The following KIAA0825 variants were observed in gnomAD, a reference collection of about 807,000 sequenced individuals.
KIAA0825 encodes uncharacterized protein KIAA0825.
A neutral mutation model predicts 147.6 loss-of-function variants in KIAA0825; 119 were observed. The observed-to-expected ratio is 0.81, with a 90% CI of 0.69 to 0.94. The LOEUF (loss-of-function observed/expected upper bound fraction) is 0.94. Ranked by LOEUF, KIAA0825 falls within the 40% of genes least tolerant of loss-of-function variation. The probability of loss-of-function intolerance (pLI) is 0.00; values close to 1 mark genes in which losing one functional copy is unlikely to be tolerated. For synonymous variants in KIAA0825, 470 were observed against 518.1 expected (o/e 0.91, Z 1.26); for missense variants, 1,381 against 1,472.7 (o/e 0.94, Z 1.02).
At chr5:94,315,946 G>C (rs562771952) in intron 20 of KIAA0825, among the ~76,000 whole-genome samples, 6 of 151,814 alleles carry the variant, frequency 4.0e-5, no homozygotes, top group African/African-American at 9.6e-5. Context: ...TGGCAAGGGT[G>C]CTACTTCCTT....
At chr5:94,397,604 A>C (rs1429993492) in intron 16 of KIAA0825, among the ~76,000 whole-genome samples, 1 of 152,126 alleles carries the variant, frequency 6.6e-6, no homozygotes, top group African/African-American at 2.4e-5. Context: ...GGGTTTCTCA[A>C]CTTTGGGTTG....
intron 20 of KIAA0825, among the ~76,000 whole-genome samples, chr5:94,291,973 C>G (rs182030225): frequency 1.3e-5 from 2 of 152,292 alleles, no homozygotes; most frequent in African/African-American, 4.8e-5. Context: ...TATCCTGAAA[C>G]TGTGCTGAAG....
At position 94,350,424 on chromosome 5, in the gene KIAA0825, A is replaced by G. The variant is rs142784887; in HGVS notation, c.3710+33944T>C. Among the ~76,000 whole-genome samples the G allele has an allele frequency of 3.0e-4, 45 of 152,336 alleles. 1 individual carries two copies. In the East Asian group the frequency reaches 8.3e-3, roughly 28 times the overall value. ...GGGAAGAAGGAACCCTCCCTGATTC[A>G]TTCTATGAAGCCAGCATCACCCTAA... On this transcript the variant is annotated intron_variant, in intron 20 of 20. Transcript: ENST00000682413.
At chr5:94,335,862 G>A (rs1026591953) in intron 20 of KIAA0825, among the ~76,000 whole-genome samples, 2 of 152,018 alleles carry the variant, frequency 1.3e-5, no homozygotes, top group Non-Finnish European at 1.5e-5. Context: ...TTATCACATG[G>A]CTTTTTAATT....
At chr5:94,331,871 G>C (rs1357924546) in intron 20 of KIAA0825, among the ~76,000 whole-genome samples, 1 of 152,100 alleles carries the variant, frequency 6.6e-6, no homozygotes, top group Non-Finnish European at 1.5e-5. Flanking sequence ...ACATGGCTGG[G>C]CATGGTGGCT....
intron 20 of KIAA0825, among the ~76,000 whole-genome samples, chr5:94,302,551 A>G (rs1206280904): frequency 6.6e-6 from 1 of 152,150 alleles, no homozygotes; most frequent in Non-Finnish European, 1.5e-5. Context: ...CATTGACTAA[A>G]AGGATCTGAC....
At chr5:94,215,905 T>A (rs891659006) in intron 20 of KIAA0825, among the ~76,000 whole-genome samples, 1 of 152,102 alleles carries the variant, frequency 6.6e-6, no homozygotes, top group African/African-American at 2.4e-5. Context: ...ACTTCCCTGA[T>A]AAGCTCCGAA....
chr5:94,520,302 C>T lies in KIAA0825; in HGVS notation c.916G>A (p.Val306Met), dbSNP rs1767922636. The T allele has an allele frequency of 6.2e-7, 1 of 1,613,440 alleles. No individual in the cohort carries two copies. The highest frequency in any genetic ancestry group is 1.1e-5 in the South Asian group (1 of 91,040). Residue 306 changes from valine (V) to methionine (M), a missense_variant, in exon 5 of 21, where the codon GTG becomes ATG. By Grantham distance (21) the Val-to-Met change is conservative. Coordinates refer to ENST00000682413, the MANE Select transcript of KIAA0825 (RefSeq NM_001145678.3). ...ELQFRENAVR[V>M]VKTSKSSSKH... ...CTGGAGCTCTTGCTTGTTTTAACCACACGAACAGCATTTTCTCTGAACTGC... is the reference window on the plus strand; with the variant it reads ...CTGGAGCTCTTGCTTGTTTTAACCATACGAACAGCATTTTCTCTGAACTGC...
intron 20 of KIAA0825, among the ~76,000 whole-genome samples, chr5:94,160,916 C>T (rs1479469667): frequency 6.6e-6 from 1 of 152,088 alleles, no homozygotes; most frequent in Non-Finnish European, 1.5e-5. Flanking sequence ...CTGTTTCCTT[C>T]TTTCTGCTGT....
At chr5:94,159,801 G>A (rs545142926) in intron 20 of KIAA0825, among the ~76,000 whole-genome samples, 63 of 152,024 alleles carry the variant, frequency 4.1e-4, no homozygotes, top group Middle Eastern at 3.4e-3. Context: ...TTTCTCCTGC[G>A]ATAACCAATA....
chr5:94,524,165 C>T, intron 3 of KIAA0825, 67 bp from the exon 4 acceptor site: 5 of 1,014,432 alleles, frequency 4.9e-6, no homozygotes, highest in Non-Finnish European at 5.7e-6. Context: ...CATAATATCA[C>T]AGGCCCTGAA....
intron 20 of KIAA0825, among the ~76,000 whole-genome samples, chr5:94,313,631 G>A (rs1259363330): frequency 9.4e-6 from 1 of 106,404 alleles, no homozygotes; most frequent in East Asian, 2.8e-4. Flanking sequence ...TTTTTTTTTT[G>A]TATCTTGGCT....
chr5:94,580,350 G>GA lies in KIAA0825; in HGVS notation c.-2+2082dup, dbSNP rs1319603530. Among the ~76,000 whole-genome samples the GA allele has an allele frequency of 1.2e-4, 19 of 152,032 alleles. No homozygotes were observed. The South Asian group carries it at 1.3e-3, about 10-fold the overall frequency. ...TATCTTTTATTTTTCCAACATAGGT[G>GA]ATCAAAAAAACAACTGTGGTATAAA... On this transcript the variant is annotated intron_variant, in intron 2 of 20. Coordinates refer to ENST00000682413, the MANE Select transcript of KIAA0825 (RefSeq NM_001145678.3).
At chr5:94,448,668 C>T (rs1758020738) in intron 13 of KIAA0825, among the ~76,000 whole-genome samples, 1 of 152,194 alleles carries the variant, frequency 6.6e-6, no homozygotes, top group Admixed American at 6.5e-5. Flanking sequence ...TTTTGTTTGT[C>T]ATCATCCAAT....
intron 20 of KIAA0825, among the ~76,000 whole-genome samples, chr5:94,335,415 A>G (rs984960205): frequency 6.6e-6 from 1 of 152,100 alleles, no homozygotes; most frequent in Admixed American, 6.5e-5. Flanking sequence ...GTGATCTTGG[A>G]TTAGTGATGT....
chr5:94,251,835 A>G (rs1462356723), intron 20 of KIAA0825, among the ~76,000 whole-genome samples: 3 of 152,066 alleles, frequency 2.0e-5, no homozygotes, highest in Admixed American at 2.0e-4. Context: ...TCGACATTTC[A>G]TGTGCTGAAA....
At chr5:94,255,405 T>C (rs1776192833) in intron 20 of KIAA0825, among the ~76,000 whole-genome samples, 1 of 151,802 alleles carries the variant, frequency 6.6e-6, no homozygotes, top group South Asian at 2.1e-4. Context: ...ATGCTTTCGA[T>C]GAGGAAAATG....
At chr5:94,507,357 G>C (rs1336942728) in intron 5 of KIAA0825, among the ~76,000 whole-genome samples, 1 of 152,122 alleles carries the variant, frequency 6.6e-6, no homozygotes, top group Non-Finnish European at 1.5e-5. Flanking sequence ...CTGAGGCCAG[G>C]AGAATGAATC....
chr5:94,163,384 T>C, intron 20 of KIAA0825, among the ~76,000 whole-genome samples: 1 of 152,166 alleles, frequency 6.6e-6, no homozygotes, highest in Admixed American at 6.5e-5. Flanking sequence ...CAATAACCTT[T>C]TCCTTCTTCC....
Sources: allele counts gnomAD v4.1 joint callset (sites outside exome capture counted in the v4.1 genomes callset), GRCh38; gene constraint gnomAD v4.1.1; transcripts MANE v1.5; gene names NCBI Gene and HGNC (gene_info 2026-07-23, HGNC 2026-07-21).